Variants in MTMR8 observed in about 807,000 individuals in gnomAD.
MTMR8 encodes the protein phosphatidylinositol-3,5-bisphosphate 3-phosphatase MTMR8.
In MTMR8, 65 loss-of-function variants were observed where a neutral mutation model predicts 39.3. That is an observed-to-expected ratio of 1.65 (90% CI 1.35 to 2.03). The LOEUF is 2.03. Ranked by LOEUF, MTMR8 falls within the 30% of genes most tolerant of loss-of-function variation. MTMR8 has a pLI of 0.00. For synonymous variants in MTMR8, 245 were observed against 185.2 expected (o/e 1.32, Z -2.62); for missense variants, 777 against 538.9 (o/e 1.44, Z -4.37).
intron 1 of MTMR8, among the ~76,000 whole-genome samples, chrX:64,365,070 T>C (rs749378819): frequency 6.5e-5 from 7 of 106,901 alleles, no homozygotes; most frequent in Non-Finnish European, 1.2e-4. Context: ...GACAAAAGAG[T>C]AAAAAGAAAG....
chrX:64,274,521 A>G (rs1214099799), intron 12 of MTMR8, among the ~76,000 whole-genome samples: 1 of 111,765 alleles, frequency 8.9e-6, no homozygotes, highest in African/African-American at 3.2e-5. Flanking sequence ...ACAAAAATTA[A>G]AAATAGAACT....
At chrX:64,314,665 G>C (rs1922411966) in intron 12 of MTMR8, among the ~76,000 whole-genome samples, 1 of 112,897 alleles carries the variant, frequency 8.9e-6, no homozygotes. Flanking sequence ...GCATGGTTCA[G>C]TGCATATATG....
intron 12 of MTMR8, among the ~76,000 whole-genome samples, chrX:64,300,166 T>C (rs1457427943): frequency 9.3e-6 from 1 of 107,001 alleles, no homozygotes; most frequent in Non-Finnish European, 1.9e-5. Flanking sequence ...ATCTGTCTAA[T>C]GTTGACAGTG....
At chrX:64,320,078 G>C (rs373317754) in intron 12 of MTMR8, among the ~76,000 whole-genome samples, 1 of 110,762 alleles carries the variant, frequency 9.0e-6, no homozygotes, top group African/African-American at 3.3e-5. Flanking sequence ...CTTTTATTTC[G>C]TTGAGCAGTG....
intron 12 of MTMR8, among the ~76,000 whole-genome samples, chrX:64,273,037 G>A (rs1931794564): frequency 9.0e-6 from 1 of 111,217 alleles, no homozygotes; most frequent in Non-Finnish European, 1.9e-5. Context: ...GAAATCTAAA[G>A]GGAAGTCTTC....
intron 1 of MTMR8, among the ~76,000 whole-genome samples, chrX:64,365,439 G>C (rs1923921011): frequency 1.8e-5 from 2 of 111,881 alleles, no homozygotes; most frequent in African/African-American, 6.5e-5. Flanking sequence ...AGCCAGAAGA[G>C]AGTAGGGGGC....
Position 64,395,427 on chromosome X carries a change from C to T in MTMR8, c.-64G>A, listed in dbSNP as rs1048114756. ...CCAGATGCCGCCGCCACCGGTCTAG[C>T]CGCCTCCTGCCTCAACCCGGGTTTC... On this transcript the variant is annotated 5_prime_UTR_variant, in exon 1 of 14. Coordinates refer to ENST00000374852, the MANE Select transcript of MTMR8 (RefSeq NM_017677.4). 53 of 1,127,537 alleles carry T rather than the reference C, an allele frequency of 4.7e-5. No homozygotes were observed. The South Asian group carries it at 7.5e-4, about 16-fold the overall frequency. The allele number at this position is 1,127,537 out of a possible 1,213,427, so 92.9% of individuals were successfully genotyped here. A position where few individuals can be genotyped will look rare whatever the true frequency, so the allele number is the denominator to read the frequency against.
chrX:64,312,312 A>T (rs1189264449), intron 12 of MTMR8, among the ~76,000 whole-genome samples: 1 of 111,149 alleles, frequency 9.0e-6, no homozygotes, highest in African/African-American at 3.3e-5. Context: ...TTTGTTTGTT[A>T]TTGGTGTATA....
chrX:64,286,702 A>C (rs1921191789), intron 12 of MTMR8, among the ~76,000 whole-genome samples: 3 of 111,926 alleles, frequency 2.7e-5, no homozygotes, highest in African/African-American at 9.7e-5. Flanking sequence ...ACAGAACCAA[A>C]GACAAAAACC....
intron 1 of MTMR8, among the ~76,000 whole-genome samples, chrX:64,388,689 T>A (rs1274880825): frequency 1.8e-5 from 2 of 112,320 alleles, no homozygotes; most frequent in Admixed American, 9.4e-5. Context: ...GCATGTTCTA[T>A]GAATCCTAGT....
chrX:64,322,974 C>A (rs1322168979), intron 12 of MTMR8, among the ~76,000 whole-genome samples: 1 of 112,778 alleles, frequency 8.9e-6, no homozygotes, highest in Non-Finnish European at 1.9e-5. Context: ...GCACACTCAC[C>A]AGCCAGGTTC....
intron 10 of MTMR8, among the ~76,000 whole-genome samples, chrX:64,334,199 A>T (rs1191117835): frequency 2.7e-5 from 3 of 110,461 alleles, no homozygotes; most frequent in Non-Finnish European, 5.7e-5. Flanking sequence ...TGGATGCCCT[A>T]TGCCAAATAA....
At chrX:64,358,097 T>C (rs906961610) in intron 2 of MTMR8, among the ~76,000 whole-genome samples, 2 of 111,907 alleles carry the variant, frequency 1.8e-5, no homozygotes, top group African/African-American at 6.5e-5. Flanking sequence ...TGCAGGTAGA[T>C]AGGAGATAGG....
intron 1 of MTMR8, among the ~76,000 whole-genome samples, chrX:64,364,843 C>A (rs927261016): frequency 9.0e-6 from 1 of 111,241 alleles, no homozygotes; most frequent in African/African-American, 3.3e-5. Context: ...GAACCCATCG[C>A]AAGAAAGCTA....
intron 1 of MTMR8, among the ~76,000 whole-genome samples, chrX:64,381,918 A>G (rs1924436797): frequency 9.0e-6 from 1 of 111,611 alleles, no homozygotes; most frequent in African/African-American, 3.3e-5. Flanking sequence ...GGTTGTAGAT[A>G]TGCGGCATTA....
At chrX:64,315,008 C>T (rs1197345759) in intron 12 of MTMR8, among the ~76,000 whole-genome samples, 1 of 111,588 alleles carries the variant, frequency 9.0e-6, no homozygotes, top group African/African-American at 3.3e-5. Context: ...AGAGTTCAGG[C>T]CCACTAGTTC....
At chrX:64,290,296 G>A (rs1921351778) in intron 12 of MTMR8, among the ~76,000 whole-genome samples, 2 of 110,572 alleles carry the variant, frequency 1.8e-5, no homozygotes, top group African/African-American at 3.3e-5. Flanking sequence ...GCACTAAACT[G>A]GGAGTCGTGG....
chrX:64,310,196 A>T (rs1922252802), intron 12 of MTMR8, among the ~76,000 whole-genome samples: 1 of 111,923 alleles, frequency 8.9e-6, no homozygotes, highest in Non-Finnish European at 1.9e-5. Context: ...CTTTGCTATC[A>T]TTTCGACAAT....
At chrX:64,306,211 C>A in intron 12 of MTMR8, 1 of 332,964 alleles carries the variant, frequency 3.0e-6, no homozygotes, top group South Asian at 3.3e-5. Flanking sequence ...GTTCTCAATG[C>A]CCACACTGCT....
Sources: allele counts gnomAD v4.1 joint callset (sites outside exome capture counted in the v4.1 genomes callset), GRCh38; gene constraint gnomAD v4.1.1; transcripts MANE v1.5; gene names NCBI Gene and HGNC (gene_info 2026-07-23, HGNC 2026-07-21).